The following SAMMSON variants were observed in gnomAD, a reference collection of about 807,000 sequenced individuals.
The protein encoded by SAMMSON is long intergenic non-protein coding RNA 1212.
At chr3:70,126,423 G>C in intron 4 of SAMMSON, 2 of 741,800 alleles carry the variant, frequency 2.7e-6, no homozygotes, top group South Asian at 3.0e-5. Flanking sequence ...GTATGTTTCA[G>C]CTGCCCCTTA....
At position 70,366,151 on chromosome 3, in the gene SAMMSON, C is replaced by T. The variant is rs1224328679; in HGVS notation, n.913+7827C>T. 6.7e-5 allele frequency among the ~76,000 whole-genome samples: 5 copies of T among 75,000 alleles called. 2 individuals are homozygous for T. Among genetic ancestry groups the T allele is most frequent in the African/African-American group, 2.5e-4 (5 of 20,200 alleles). The allele number at this position is 75,000 out of a possible 152,430, so 49.2% of individuals were successfully genotyped here. A position where few individuals can be genotyped will look rare whatever the true frequency, so the allele number is the denominator to read the frequency against. On this transcript the variant is annotated intron_variant and non_coding_transcript_variant, in intron 9 of 9. Coordinates refer to ENST00000642114, the Ensembl canonical transcript of SAMMSON. The stretch of plus-strand genomic sequence containing the variant: ...GACTACAGGCGCCCGCCACCGCGCC[C>T]GGCTAATTTTTTGTATTTTTAGTAG...
At chr3:70,168,131 C>T (rs1169092519) in intron 4 of SAMMSON, among the ~76,000 whole-genome samples, 1 of 151,938 alleles carries the variant, frequency 6.6e-6, no homozygotes, top group Non-Finnish European at 1.5e-5. Context: ...TTTCCTATTC[C>T]ATCTTTGAGT....
At chr3:70,352,874 T>C (rs1316955214) in intron 7 of SAMMSON, among the ~76,000 whole-genome samples, 1 of 152,078 alleles carries the variant, frequency 6.6e-6, no homozygotes, top group East Asian at 1.9e-4. Flanking sequence ...GTGGTATTGG[T>C]TGAGGAATAC....
At chr3:70,221,548 C>A (rs1189638232) in intron 4 of SAMMSON, among the ~76,000 whole-genome samples, 1 of 151,940 alleles carries the variant, frequency 6.6e-6, no homozygotes, top group Non-Finnish European at 1.5e-5. Context: ...CCCTCAGGAG[C>A]TTTATGGCCT....
chr3:70,430,419 G>A (rs536069112), intron 2 of SAMMSON, among the ~76,000 whole-genome samples: 4 of 152,090 alleles, frequency 2.6e-5, no homozygotes, highest in African/African-American at 7.2e-5. Flanking sequence ...TACGTTCAAC[G>A]GAAAATTACA....
intron 2 of SAMMSON, among the ~76,000 whole-genome samples, chr3:70,402,637 G>A (rs1042199046): frequency 2.0e-5 from 3 of 152,046 alleles, no homozygotes; most frequent in Non-Finnish European, 4.4e-5. Context: ...TGAGGTGGGC[G>A]GACCACCTGA....
intron 4 of SAMMSON, among the ~76,000 whole-genome samples, chr3:70,216,684 GA>G (rs1266749907): frequency 6.6e-6 from 1 of 152,108 alleles, no homozygotes; most frequent in Non-Finnish European, 1.5e-5. Flanking sequence ...AAAGCTTATT[GA>G]AAAACATACT....
chr3:70,244,578 TTGAC>T (rs1701689280), intron 4 of SAMMSON, among the ~76,000 whole-genome samples: 1 of 152,184 alleles, frequency 6.6e-6, no homozygotes, highest in Admixed American at 6.5e-5. Context: ...AGAGACAAGA[TTGAC>T]TGGTGAATAA....
intron 2 of SAMMSON, among the ~76,000 whole-genome samples, chr3:70,419,726 C>A (rs1701296437): frequency 6.6e-6 from 1 of 152,182 alleles, no homozygotes; most frequent in Non-Finnish European, 1.5e-5. Flanking sequence ...GCAAGCTCCG[C>A]CTCCCGGGTT....
chr3:70,016,873 G>A (rs1452781304), intron 3 of SAMMSON, among the ~76,000 whole-genome samples: 1 of 151,994 alleles, frequency 6.6e-6, no homozygotes, highest in African/African-American at 2.4e-5. Flanking sequence ...TTTTTGTCAG[G>A]TTTGTCAAAG....
intron 2 of SAMMSON, among the ~76,000 whole-genome samples, chr3:70,423,928 G>C (rs1701333344): frequency 6.6e-6 from 1 of 152,114 alleles, no homozygotes. Context: ...GATCTTTCTG[G>C]TCTGGAATTA....
At chr3:70,398,714 C>G (rs1701113150) in intron 2 of SAMMSON, among the ~76,000 whole-genome samples, 1 of 152,168 alleles carries the variant, frequency 6.6e-6, no homozygotes, top group Non-Finnish European at 1.5e-5. Flanking sequence ...ATTTGACTTT[C>G]ACTTCATCAA....
chr3:70,339,016 A>G (rs1350134684), intron 7 of SAMMSON, among the ~76,000 whole-genome samples: 1 of 152,212 alleles, frequency 6.6e-6, no homozygotes, highest in Non-Finnish European at 1.5e-5. Flanking sequence ...ACAAGGCTAC[A>G]GTAACCAAAA....
At chr3:70,363,892 C>A (rs1330472935) in intron 9 of SAMMSON, among the ~76,000 whole-genome samples, 1 of 150,726 alleles carries the variant, frequency 6.6e-6, no homozygotes, top group African/African-American at 2.4e-5. Context: ...TTGATATTTT[C>A]TTTTTATTTT....
chr3:70,406,194 C>T lies in SAMMSON; in HGVS notation n.233+47870C>T, dbSNP rs376849695. On this transcript the variant is annotated intron_variant and non_coding_transcript_variant, in intron 2 of 3. Transcript: ENST00000641053. ...ATTTTTATTTGTCATTTAAAATAAA[C>T]AAATACAAGGAAACAAAAGTAAGAA... Among the ~76,000 whole-genome samples the T allele has an allele frequency of 4.6e-5, 7 of 152,126 alleles. No homozygotes were observed. The East Asian group carries it at 1.4e-3, about 29-fold the overall frequency.
intron 7 of SAMMSON, among the ~76,000 whole-genome samples, chr3:70,312,175 A>G (rs1996814): frequency 0.36 from 54,437 of 151,980 alleles, 10,101 homozygotes; most frequent in East Asian, 0.62. Flanking sequence ...TAAACTTTAT[A>G]TGATATTTCT....
intron 6 of SAMMSON, among the ~76,000 whole-genome samples, chr3:70,252,199 G>A (rs1701775779): frequency 6.6e-6 from 1 of 152,170 alleles, no homozygotes; most frequent in Non-Finnish European, 1.5e-5. Context: ...TGGCAAAATT[G>A]AACAAAATGG....
intron 6 of SAMMSON, among the ~76,000 whole-genome samples, chr3:70,251,254 G>A (rs908635358): frequency 1.3e-5 from 2 of 152,170 alleles, no homozygotes; most frequent in African/African-American, 4.8e-5. Flanking sequence ...GCTTTGTAGA[G>A]TTTCATTTCT....
At chr3:70,179,898 G>GA (rs1416229516) in intron 4 of SAMMSON, among the ~76,000 whole-genome samples, 1 of 151,998 alleles carries the variant, frequency 6.6e-6, no homozygotes, top group African/African-American at 2.4e-5. Context: ...GATGTATGGG[G>GA]AAAGATGCCC....
Sources: allele counts gnomAD v4.1 joint callset (sites outside exome capture counted in the v4.1 genomes callset), GRCh38; gene constraint gnomAD v4.1.1; transcripts MANE v1.5; gene names NCBI Gene and HGNC (gene_info 2026-07-23, HGNC 2026-07-21).